APOO: variants seen among roughly 807,000 people sequenced by gnomAD.
APOO encodes the protein apolipoprotein O, also known as MICOS complex subunit MIC26.
Under a neutral mutation model 23.1 loss-of-function variants are expected in APOO, and 11 were observed. The observed-to-expected ratio is 0.48, with a 90% CI of 0.30 to 0.79. APOO has a LOEUF of 0.79. Ranked by LOEUF, APOO falls within the 30% of genes least tolerant of loss-of-function variation. The probability of loss-of-function intolerance (pLI) is 0.07; values close to 1 mark genes in which losing one functional copy is unlikely to be tolerated. For synonymous variants in APOO, 59 were observed against 54.8 expected (o/e 1.08, Z -0.34); for missense variants, 160 against 142.7 (o/e 1.12, Z -0.62).
chrX:23,858,816 C>T, intron 5 of APOO, 83 bp from the exon 6 acceptor site: 1 of 888,591 alleles, frequency 1.1e-6, no homozygotes, highest in Non-Finnish European at 1.6e-6. Context: ...TAATACGGAA[C>T]AAGGCCAGGC....
chrX:23,837,323 T>C lies in APOO; in HGVS notation c.*29+2990A>G, dbSNP rs139975151. 6.4e-3 allele frequency: 4,857 copies of C among 764,519 alleles called. 92 individuals carry two copies. The African/African-American group carries it at 0.069, about 11-fold the overall frequency. 63.0% of individuals were successfully genotyped at this position (764,519 alleles called of 1,213,427 possible). On this transcript the variant is annotated intron_variant, in intron 8 of 8. Transcript: ENST00000379226. The stretch of plus-strand genomic sequence containing the variant: ...TGATTGCTGAGAATAGTCTTCATTC[T>C]CGCAGTAGACGCAGCAAAGAAAGCC...
chrX:23,851,782 A>G (rs1924550185), intron 7 of APOO, among the ~76,000 whole-genome samples: 1 of 112,308 alleles, frequency 8.9e-6, no homozygotes. Context: ...ATTTCGTAAG[A>G]GGGAAAAGGG....
intron 1 of APOO, among the ~76,000 whole-genome samples, chrX:23,895,897 G>A (rs1211023305): frequency 9.2e-6 from 1 of 108,903 alleles, no homozygotes. Flanking sequence ...AGAGGAAGGG[G>A]ACTTGTAGTA....
At chrX:23,858,430 C>G (rs1924870983) in intron 6 of APOO, among the ~76,000 whole-genome samples, 1 of 112,137 alleles carries the variant, frequency 8.9e-6, no homozygotes, top group Non-Finnish European at 1.9e-5. Flanking sequence ...AATTCGTGTT[C>G]AAATTCTGTG....
At chrX:23,856,481 C>T in intron 6 of APOO, 99 bp from the exon 7 acceptor site, 1 of 645,653 alleles carries the variant, frequency 1.5e-6, no homozygotes, top group South Asian at 2.6e-5. Context: ...AAGATATATG[C>T]ATGCATATGT....
chrX:23,890,257 C>T (rs1423883859), intron 1 of APOO, among the ~76,000 whole-genome samples: 1 of 111,904 alleles, frequency 8.9e-6, no homozygotes, highest in Non-Finnish European at 1.9e-5. Context: ...AAGAAAATCT[C>T]TCCCGTCTTA....
At chrX:23,854,161 T>A (rs1424174264) in intron 7 of APOO, among the ~76,000 whole-genome samples, 1 of 112,713 alleles carries the variant, frequency 8.9e-6, no homozygotes, top group East Asian at 2.8e-4. Context: ...TGTCTTCAAA[T>A]GACCAGAAAA....
intron 7 of APOO, 28 bp downstream of exon 7, chrX:23,856,274 G>C: frequency 8.5e-7 from 1 of 1,170,300 alleles, no homozygotes; most frequent in Non-Finnish European, 1.2e-6. Context: ...TAAACCAAAA[G>C]GAAGATAATG....
intron 5 of APOO, among the ~76,000 whole-genome samples, chrX:23,867,163 G>A (rs1156933631): frequency 9.0e-6 from 1 of 111,109 alleles, no homozygotes. Flanking sequence ...CTAAACTAAA[G>A]TAAAAGCTAT....
At position 23,858,706 on chromosome X, in the gene APOO, G is replaced by A. The variant is rs369973145; in HGVS notation, c.416C>T (p.Pro139Leu). Residue 139 changes from proline to leucine, a missense_variant, in exon 6 of 9, where the codon CCG (proline) becomes CTG (leucine). Coordinates refer to ENST00000379226, the MANE Select transcript of APOO (RefSeq NM_024122.5). ...RGSKIKKLVY[P>L]PGFMGLAASL... is the part of the protein sequence containing the mutation. Reference sequence around the variant, plus strand: ...GGCAGCTAATCCCATGAAACCAGGCGGATACACTAGCTTCTTTATTTTTGA... The same window carrying A: ...GGCAGCTAATCCCATGAAACCAGGCAGATACACTAGCTTCTTTATTTTTGA... The A allele has an allele frequency of 1.2e-5, 14 of 1,208,268 alleles. No homozygotes were observed. The highest frequency in any genetic ancestry group is 1.6e-5 in the Non-Finnish European group (14 of 894,257).
At chrX:23,848,039 A>T (rs752676793) in intron 7 of APOO, among the ~76,000 whole-genome samples, 1 of 104,028 alleles carries the variant, frequency 9.6e-6, no homozygotes, top group Non-Finnish European at 2.0e-5. Context: ...ACCACGCCCA[A>T]TTTTTTTGTA....
At chrX:23,848,720 C>A (rs1321836423) in intron 7 of APOO, among the ~76,000 whole-genome samples, 3 of 100,684 alleles carry the variant, frequency 3.0e-5, no homozygotes, top group Non-Finnish European at 6.0e-5. Flanking sequence ...GAGTCTTGTT[C>A]TGTCAACCAG....
chrX:23,899,828 C>A (rs1927053769), intron 1 of APOO, among the ~76,000 whole-genome samples: 1 of 112,299 alleles, frequency 8.9e-6, no homozygotes, highest in African/African-American at 3.2e-5. Context: ...CCAGTCTAGC[C>A]TAGAAAGGAC....
chrX:23,906,587 C>G (rs980849715), intron 1 of APOO, among the ~76,000 whole-genome samples: 2 of 112,824 alleles, frequency 1.8e-5, no homozygotes, highest in Non-Finnish European at 3.7e-5. Context: ...TAGCACATAA[C>G]AGGTGTTTAA....
chrX:23,834,785 C>T (rs1329561282), intron 8 of APOO, among the ~76,000 whole-genome samples: 9 of 107,290 alleles, frequency 8.4e-5, no homozygotes, highest in Non-Finnish European at 3.8e-5. Context: ...AGTGCAGTGG[C>T]GTGATCTCGG....
chrX:23,867,822 G>A (rs1339487404), intron 5 of APOO, among the ~76,000 whole-genome samples: 7 of 110,857 alleles, frequency 6.3e-5, no homozygotes, highest in Admixed American at 4.8e-4. Context: ...GATTACAGGC[G>A]TGAGCCACTG....
At chrX:23,888,592 C>A (rs940451699) in intron 1 of APOO, among the ~76,000 whole-genome samples, 18 of 110,893 alleles carry the variant, frequency 1.6e-4, no homozygotes, top group African/African-American at 5.6e-4. Context: ...GTGGCTCACG[C>A]CTATAATCCC....
intron 1 of APOO, among the ~76,000 whole-genome samples, chrX:23,895,547 G>A (rs1162822226): frequency 9.0e-6 from 1 of 111,280 alleles, no homozygotes; most frequent in Non-Finnish European, 1.9e-5. Flanking sequence ...TGCATGCGGG[G>A]CTTAAAACCT....
At chrX:23,902,675 T>A (rs1417873375) in intron 1 of APOO, among the ~76,000 whole-genome samples, 1 of 112,033 alleles carries the variant, frequency 8.9e-6, no homozygotes, top group African/African-American at 3.2e-5. Context: ...AATAACTATA[T>A]CAAAACATCG....
Sources: gnomAD v4.1 joint callset for allele counts (sites outside exome capture counted in the v4.1 genomes callset) on GRCh38, gnomAD v4.1.1 for gene constraint, MANE v1.5 for transcripts, NCBI Gene and HGNC (gene_info 2026-07-23, HGNC 2026-07-21) for gene names.